Variants in OSBPL11 observed in about 807,000 individuals in gnomAD.
OSBPL11 encodes oxysterol binding protein like 11.
Under a neutral mutation model 84.4 loss-of-function variants are expected in OSBPL11, and 33 were observed. The ratio of observed to expected loss-of-function variants is 0.39; its 90% CI spans 0.30 to 0.52. The LOEUF (loss-of-function observed/expected upper bound fraction) is 0.52. Ranked by LOEUF, OSBPL11 falls within the 20% of genes least tolerant of loss-of-function variation. The probability of loss-of-function intolerance (pLI) is 0.72; values close to 1 mark genes in which losing one functional copy is unlikely to be tolerated. For synonymous variants in OSBPL11, 276 were observed against 310.2 expected (o/e 0.89, Z 1.16); for missense variants, 736 against 901.1 (o/e 0.82, Z 2.35).
chr3:125,563,113 C>G (rs1936101583), intron 7 of OSBPL11, among the ~76,000 whole-genome samples: 1 of 151,958 alleles, frequency 6.6e-6, no homozygotes, highest in Admixed American at 6.6e-5. Flanking sequence ...CTTAAAATAA[C>G]AGATGTGAAC....
intron 6 of OSBPL11, among the ~76,000 whole-genome samples, chr3:125,565,406 T>C (rs1456160810): frequency 6.6e-5 from 10 of 152,154 alleles, no homozygotes; most frequent in Admixed American, 6.5e-5. Context: ...AACACAGGGA[T>C]ATAGTTAAGT....
chr3:125,560,437 T>A lies in OSBPL11; in HGVS notation c.1097A>T (p.Gln366Leu), dbSNP rs985029636. 3.1e-6 allele frequency: 5 copies of A among 1,608,642 alleles called. No homozygotes were observed. The highest frequency in any genetic ancestry group is 4.2e-6 in the Non-Finnish European group (5 of 1,176,964). The change falls in exon 8 of 13, where the codon CAA becomes CTA. Residue 366 changes from glutamine (Q) to leucine (L), a missense_variant. Physicochemically the swap from Gln to Leu is moderately radical, Grantham distance 113. Coordinates refer to ENST00000296220, the MANE Select transcript of OSBPL11 (RefSeq NM_022776.5). ...CAAGAGATGTAGGATGACACTACGT[T>A]GTTCTTCTACAGCTCCCAGGTCATC... The part of the protein sequence containing the change: ...KEDDLGAVEE[Q>L]RSVILHLLSQ...
intron 10 of OSBPL11, among the ~76,000 whole-genome samples, chr3:125,542,792 G>A (rs1020658330): frequency 1.2e-4 from 19 of 152,126 alleles, no homozygotes; most frequent in African/African-American, 3.9e-4. Flanking sequence ...TTACAGGCGT[G>A]AGCCACCACG....
chr3:125,566,068 C>A (rs545855920), intron 6 of OSBPL11, among the ~76,000 whole-genome samples: 3 of 152,022 alleles, frequency 2.0e-5, no homozygotes, highest in Admixed American at 6.6e-5. Flanking sequence ...CGCAGTGGCA[C>A]GATCTGGGCT....
At chr3:125,575,305 T>C (rs1365300420) in intron 5 of OSBPL11, among the ~76,000 whole-genome samples, 1 of 152,130 alleles carries the variant, frequency 6.6e-6, no homozygotes, top group East Asian at 1.9e-4. Flanking sequence ...ATCAAAGATT[T>C]AATGATTCTA....
chr3:125,565,093 G>A (rs919687136), intron 6 of OSBPL11, among the ~76,000 whole-genome samples: 2 of 151,988 alleles, frequency 1.3e-5, no homozygotes, highest in Non-Finnish European at 2.9e-5. Flanking sequence ...AAACTAAAAG[G>A]AATTAGCCAG....
intron 10 of OSBPL11, among the ~76,000 whole-genome samples, chr3:125,546,529 G>A (rs557231989): frequency 1.3e-5 from 2 of 151,984 alleles, no homozygotes; most frequent in Non-Finnish European, 2.9e-5. Flanking sequence ...ACGGAGTCTC[G>A]TCATGTTGGC....
Position 125,552,492 on chromosome 3 carries a change from G to C in OSBPL11, c.1343C>G (p.Pro448Arg). Reference protein sequence around the residue: ...EGRKGAIAKKPYNPIIGETFH... With the variant: ...EGRKGAIAKKRYNPIIGETFH... Reference sequence around the variant, plus strand: ...TGTTTCTCCAATGATAGGATTGTATGGTTTTTTAGCAATGGCTCCCTTACG... The same window carrying C: ...TGTTTCTCCAATGATAGGATTGTATCGTTTTTTAGCAATGGCTCCCTTACG... The change falls in exon 9 of 13, where the codon CCA becomes CGA. Residue 448 changes from proline to arginine, a missense_variant. Physicochemically the swap from Pro to Arg is moderately radical, Grantham distance 103 (BLOSUM62 -2). Transcript: ENST00000296220. 1 of 1,614,186 alleles carries C rather than the reference G, an allele frequency of 6.2e-7. No homozygotes were observed. Among genetic ancestry groups the C allele is most frequent in the Non-Finnish European group, 8.5e-7 (1 of 1,180,044 alleles).
chr3:125,587,459 A>T (rs890480615), intron 1 of OSBPL11, among the ~76,000 whole-genome samples: 1 of 152,232 alleles, frequency 6.6e-6, no homozygotes, highest in Admixed American at 6.5e-5. Context: ...ATTTGAAGTT[A>T]CAGCAGTAAA....
In OSBPL11 at chr3:125,567,406, A is replaced by C. The variant is rs376272085; in HGVS notation, c.856T>G (p.Ser286Ala). Reference sequence around the variant, plus strand: ...ATCGACAACTTACCTGAAGGCAATGAGCCCTTCTGATGTGATGCATGCTGT... The same window carrying C: ...ATCGACAACTTACCTGAAGGCAATGCGCCCTTCTGATGTGATGCATGCTGT... The part of the protein sequence containing the change: ...QLQHASHQKG[S>A]LPSGTTIEWL... Residue 286 changes from serine (S) to alanine (A), a missense_variant, in exon 6 of 13, where the codon TCA becomes GCA. Ser to Ala is a moderately conservative substitution (Grantham distance 99, BLOSUM62 1). Coordinates refer to ENST00000296220, the MANE Select transcript of OSBPL11 (RefSeq NM_022776.5). 4 of 1,613,388 alleles carry C rather than the reference A, an allele frequency of 2.5e-6. No homozygotes were observed. Among genetic ancestry groups the C allele is most frequent in the Non-Finnish European group, 2.5e-6 (3 of 1,179,350 alleles).
intron 9 of OSBPL11, among the ~76,000 whole-genome samples, chr3:125,549,473 C>A (rs997510263): frequency 6.6e-6 from 1 of 151,994 alleles, no homozygotes; most frequent in African/African-American, 2.4e-5. Flanking sequence ...TGCTTTTCTC[C>A]ATTTCTTTTT....
intron 9 of OSBPL11, among the ~76,000 whole-genome samples, chr3:125,549,159 T>C (rs1935863989): frequency 6.6e-6 from 1 of 152,108 alleles, no homozygotes; most frequent in Non-Finnish European, 1.5e-5. Context: ...GTAGTTGGGA[T>C]TACAGGTGCC....
At chr3:125,586,197 C>T (rs964353585) in intron 1 of OSBPL11, among the ~76,000 whole-genome samples, 1 of 152,148 alleles carries the variant, frequency 6.6e-6, no homozygotes, top group African/African-American at 2.4e-5. Context: ...TTATATTATA[C>T]TATTTTGTGT....
chr3:125,570,227 A>T (rs1936223127), intron 5 of OSBPL11, among the ~76,000 whole-genome samples: 1 of 151,474 alleles, frequency 6.6e-6, no homozygotes, highest in East Asian at 1.9e-4. Context: ...AAATAAAATT[A>T]AAAAAAATAT....
intron 1 of OSBPL11, among the ~76,000 whole-genome samples, chr3:125,591,018 GT>G (rs1261623775): frequency 1.3e-5 from 2 of 152,170 alleles, no homozygotes; most frequent in African/African-American, 4.8e-5. Flanking sequence ...TAATAATGCT[GT>G]ATCTTCCTCC....
At position 125,579,929 on chromosome 3, in the gene OSBPL11, G is replaced by A. The variant is rs773721965; in HGVS notation, c.345C>T (p.Pro115=). 2.5e-6 allele frequency: 4 copies of A among 1,614,066 alleles called. No individual in the cohort carries two copies. Among genetic ancestry groups the A allele is most frequent in the African/African-American group, 2.7e-5 (2 of 74,946 alleles). ...TLQLAGAVIS[P]SDEDSHTFTV... ...TGAAGGTGTGAGAATCCTCATCACT[G>A]GGTGATATTACAGCTCCTGCAAGCT... The change falls in exon 3 of 13, where the codon CCC becomes CCT. Residue 115 remains proline, a synonymous_variant. Transcript: ENST00000296220.
chr3:125,546,692 A>G (rs559571722), intron 10 of OSBPL11, among the ~76,000 whole-genome samples: 12 of 152,138 alleles, frequency 7.9e-5, no homozygotes, highest in African/African-American at 2.6e-4. Context: ...GGAGTTTGAG[A>G]CCAGCCTGGC....
intron 2 of OSBPL11, among the ~76,000 whole-genome samples, chr3:125,582,011 G>A (rs961009797): frequency 1.3e-5 from 2 of 151,844 alleles, no homozygotes; most frequent in Non-Finnish European, 2.9e-5. Flanking sequence ...AAAATAAAAA[G>A]TAACTCTAAA....
intron 6 of OSBPL11, among the ~76,000 whole-genome samples, chr3:125,565,737 A>G (rs534356028): frequency 6.6e-6 from 1 of 152,314 alleles, no homozygotes; most frequent in South Asian, 2.1e-4. Context: ...ACTACTTACA[A>G]TTCCTACAAG....
Sources: gnomAD v4.1 joint callset for allele counts (sites outside exome capture counted in the v4.1 genomes callset) on GRCh38, gnomAD v4.1.1 for gene constraint, MANE v1.5 for transcripts, NCBI Gene and HGNC (gene_info 2026-07-23, HGNC 2026-07-21) for gene names.